Variants in SNX30 observed in about 807,000 individuals in gnomAD.
The protein encoded by SNX30 is sorting nexin family member 30, also known as sorting nexin-30.
In SNX30, 24 loss-of-function variants were observed where a neutral mutation model predicts 46.4. The observed-to-expected ratio is 0.52, with a 90% CI of 0.37 to 0.73. The LOEUF (loss-of-function observed/expected upper bound fraction) is 0.73. SNX30 is among the 30% of genes least tolerant of loss of function. The pLI is 0.00. For synonymous variants in SNX30, 189 were observed against 211.5 expected (o/e 0.89, Z 0.92); for missense variants, 533 against 555.7 (o/e 0.96, Z 0.41).
chr9:112,790,364 A>G (rs1407485980), intron 1 of SNX30, among the ~76,000 whole-genome samples: 1 of 152,208 alleles, frequency 6.6e-6, no homozygotes, highest in Non-Finnish European at 1.5e-5. Context: ...GTGTGCAACA[A>G]ACATGTATTT....
At chr9:112,875,370 T>G (rs1289436231), downstream of SNX30, 2 of 152,224 alleles carry the variant, frequency 1.3e-5, no homozygotes, top group African/African-American at 2.4e-5. Flanking sequence ...GCCAGTTAAG[T>G]TGACCTGATG....
intron 3 of SNX30, among the ~76,000 whole-genome samples, chr9:112,818,655 G>C (rs922027018): frequency 6.6e-6 from 1 of 152,206 alleles, no homozygotes; most frequent in Non-Finnish European, 1.5e-5. Flanking sequence ...AAACTCCTCA[G>C]AGGGGCTGAT....
chr9:112,864,301 C>G lies in SNX30; in HGVS notation c.1156C>G (p.Leu386Val). ...QDRMECFNAD[L>V]KADMERWQNN... ...TCGGATGGAGTGTTTCAATGCTGACCTGAAAGCTGACATGGAGAGGTGGCA... is the reference window on the plus strand; with the variant it reads ...TCGGATGGAGTGTTTCAATGCTGACGTGAAAGCTGACATGGAGAGGTGGCA... The change falls in exon 8 of 9, where the codon CTG becomes GTG. Residue 386 changes from leucine (L) to valine (V), a missense_variant. By Grantham distance (32) the Leu-to-Val change is conservative. Around this residue, in one of 3 missense-constraint regions of SNX30, gnomAD observed 261 missense variants for 270.9 expected, o/e 0.96. Coordinates refer to ENST00000374232, the MANE Select transcript of SNX30 (RefSeq NM_001012994.2). The G allele has an allele frequency of 6.2e-7, 1 of 1,614,108 alleles. No homozygotes were observed. Among genetic ancestry groups the G allele is most frequent in the African/African-American group, 1.3e-5 (1 of 75,006 alleles).
intron 1 of SNX30, among the ~76,000 whole-genome samples, chr9:112,752,524 G>C (rs2131341045): frequency 6.6e-6 from 1 of 152,264 alleles, no homozygotes; most frequent in Non-Finnish European, 1.5e-5. Flanking sequence ...AGGATTGCTT[G>C]AGCCTGGGAG....
downstream of SNX30, among the ~76,000 whole-genome samples, chr9:112,883,762 A>C (rs187913556): frequency 2.7e-3 from 402 of 146,436 alleles, 4 homozygotes; most frequent in African/African-American, 9.6e-3. Flanking sequence ...CAGTGGCACG[A>C]TCTCAGCTCA....
intron 1 of SNX30, among the ~76,000 whole-genome samples, chr9:112,769,964 A>G (rs1839619203): frequency 6.6e-6 from 1 of 151,958 alleles, no homozygotes; most frequent in African/African-American, 2.4e-5. Context: ...TACCATGTCC[A>G]GAATCTCATC....
At chr9:112,791,092 T>G (rs1015945200) in intron 1 of SNX30, among the ~76,000 whole-genome samples, 1 of 152,198 alleles carries the variant, frequency 6.6e-6, no homozygotes, top group African/African-American at 2.4e-5. Context: ...TTCACCATTT[T>G]AAGGTATATA....
intron 5 of SNX30, among the ~76,000 whole-genome samples, chr9:112,837,016 C>T (rs759830865): frequency 6.6e-5 from 10 of 152,116 alleles, no homozygotes; most frequent in Non-Finnish European, 1.5e-4. Flanking sequence ...CTTTTATCTC[C>T]TTACATATGC....
intron 7 of SNX30, among the ~76,000 whole-genome samples, chr9:112,859,309 T>C (rs999052131): frequency 6.6e-6 from 1 of 152,204 alleles, no homozygotes; most frequent in African/African-American, 2.4e-5. Flanking sequence ...TACACACACA[T>C]ACATACATAC....
chr9:112,751,752 C>T (rs1305669820), intron 1 of SNX30, among the ~76,000 whole-genome samples: 1 of 152,192 alleles, frequency 6.6e-6, no homozygotes, highest in Non-Finnish European at 1.5e-5. Context: ...GCTCCATTCA[C>T]CTCCGACGGC....
At chr9:112,770,473 T>C (rs1839631415) in intron 1 of SNX30, among the ~76,000 whole-genome samples, 1 of 151,790 alleles carries the variant, frequency 6.6e-6, no homozygotes, top group South Asian at 2.1e-4. Context: ...GCCTGGCCTC[T>C]TTTTTGCTTT....
At chr9:112,764,973 C>T (rs1839511657) in intron 1 of SNX30, among the ~76,000 whole-genome samples, 1 of 152,180 alleles carries the variant, frequency 6.6e-6, no homozygotes, top group South Asian at 2.1e-4. Context: ...GTGAGTCTAT[C>T]TTCCCAGGGG....
At chr9:112,767,721 C>T (rs113963352) in intron 1 of SNX30, among the ~76,000 whole-genome samples, 3 of 152,258 alleles carry the variant, frequency 2.0e-5, no homozygotes, top group African/African-American at 7.2e-5. Context: ...TCCTGAGTAG[C>T]TGGGACCACA....
intron 1 of SNX30, among the ~76,000 whole-genome samples, chr9:112,789,252 G>C (rs1839981039): frequency 6.6e-6 from 1 of 152,124 alleles, no homozygotes; most frequent in Non-Finnish European, 1.5e-5. Flanking sequence ...TTTTGTGTTG[G>C]GGATCTTAGT....
At chr9:112,852,209 TG>T (rs1157999773) in intron 7 of SNX30, among the ~76,000 whole-genome samples, 1 of 151,438 alleles carries the variant, frequency 6.6e-6, no homozygotes, top group Non-Finnish European at 1.5e-5. Flanking sequence ...CGCCTGTGAA[TG>T]GCCACTGCAC....
chr9:112,838,727 A>T, intron 6 of SNX30, 30 bp downstream of exon 6: 2 of 1,598,216 alleles, frequency 1.3e-6, no homozygotes, highest in Non-Finnish European at 8.6e-7. Flanking sequence ...GTGTATTTGC[A>T]TACTTTCTTT....
downstream of SNX30, chr9:112,878,601 G>C (rs1261458253): frequency 6.6e-6 from 1 of 152,148 alleles, no homozygotes; most frequent in Non-Finnish European, 1.5e-5. Flanking sequence ...TCAGTGCAAG[G>C]GTGCTGGCTC....
intron 1 of SNX30, among the ~76,000 whole-genome samples, chr9:112,804,417 G>A (rs1031189868): frequency 3.3e-5 from 5 of 152,132 alleles, no homozygotes; most frequent in South Asian, 2.1e-4. Flanking sequence ...CACCTGTCTC[G>A]GCCTCCCAAA....
chr9:112,791,747 T>C (rs1169391793), intron 1 of SNX30, among the ~76,000 whole-genome samples: 1 of 152,178 alleles, frequency 6.6e-6, no homozygotes, highest in Non-Finnish European at 1.5e-5. Context: ...ACTTAGAGAT[T>C]TAAATGGAAT....
Sources: allele counts gnomAD v4.1 joint callset (sites outside exome capture counted in the v4.1 genomes callset), GRCh38; gene constraint gnomAD v4.1.1; regional missense constraint gnomAD v4.1.1; transcripts MANE v1.5; gene names NCBI Gene and HGNC (gene_info 2026-07-23, HGNC 2026-07-21).